ANKRD66: variants seen among roughly 807,000 people sequenced by gnomAD.
The protein encoded by ANKRD66 is ankyrin repeat domain-containing protein 66.
ANKRD66 carries 10 observed loss-of-function variants against 10.9 expected under a neutral mutation model. The ratio of observed to expected loss-of-function variants is 0.91; its 90% CI spans 0.56 to 1.55. ANKRD66 has a LOEUF of 1.55. Among genes scored for constraint, ANKRD66 ranks in the 40% most tolerant of loss-of-function variants. ANKRD66 has a pLI of 0.00. For missense variants in ANKRD66, 252 were observed against 242.9 expected (o/e 1.04, Z -0.25); for synonymous variants, 85 against 88.4 (o/e 0.96, Z 0.22).
Position 46,746,995 on chromosome 6 carries a change from G to C in ANKRD66, c.-97+5G>C. ...CCTCAAATTTCACACAAGACAGTAA[G>C]TGTTTTTAAGTTACCCTCTCTTATT... On this transcript the variant is annotated splice_donor_5th_base_variant and intron_variant, in intron 1 of 4. Transcript: ENST00000565422. The C allele has an allele frequency of 2.0e-6, 3 of 1,535,270 alleles. No individual in the cohort carries two copies. The highest frequency in any genetic ancestry group is 2.6e-6 in the Non-Finnish European group (3 of 1,146,626).
intron 4 of ANKRD66, chr6:46,757,759 C>T (rs1766410261): frequency 6.6e-6 from 1 of 152,190 alleles, no homozygotes; most frequent in Non-Finnish European, 1.5e-5. Context: ...ATAAACCTCT[C>T]ATTTAGCAAA....
intron 3 of ANKRD66, 149 bp from the exon 4 acceptor site, chr6:46,753,573 A>G: frequency 1.4e-6 from 1 of 718,068 alleles, no homozygotes; most frequent in South Asian, 2.0e-5. Context: ...AGAAGAGGGA[A>G]AAGGGAGGAG....
intron 1 of ANKRD66, 64 bp from the exon 2 acceptor site, chr6:46,749,832 C>G (rs1272927671): frequency 6.7e-7 from 1 of 1,500,780 alleles, no homozygotes; most frequent in East Asian, 2.6e-5. Flanking sequence ...TTCTTTCTCT[C>G]TGTCCTCTGG....
chr6:46,749,550 T>TTCCC (rs760188647), intron 1 of ANKRD66, among the ~76,000 whole-genome samples: 2 of 57,038 alleles, frequency 3.5e-5, no homozygotes, highest in Non-Finnish European at 6.7e-5. Flanking sequence ...TCTCTTTTAT[T>TTCCC]CCCCCCCCCC....
At position 46,758,762 on chromosome 6, in the gene ANKRD66, G is replaced by A; in HGVS notation, c.432G>A (p.Gln144=). Residue 144 remains glutamine, a synonymous_variant, in exon 5 of 5, where the codon CAG becomes CAA. Transcript: ENST00000565422. ...GCCAGGACCACCGTTGCGCTGCCCAGCAGAAGGGGCTGCCTCTGGATGAGC... is the reference window on the plus strand; with the variant it reads ...GCCAGGACCACCGTTGCGCTGCCCAACAGAAGGGGCTGCCTCTGGATGAGC... The part of the protein sequence containing the change: ...PECQDHRCAA[Q]QKGLPLDERD... 1 of 1,550,860 alleles carries A rather than the reference G, an allele frequency of 6.4e-7. No individual in the cohort carries two copies. The highest frequency in any genetic ancestry group is 8.7e-7 in the Non-Finnish European group (1 of 1,146,774).
At chr6:46,748,675 A>G (rs1315581433) in intron 1 of ANKRD66, among the ~76,000 whole-genome samples, 7 of 152,136 alleles carry the variant, frequency 4.6e-5, no homozygotes, top group Non-Finnish European at 1.0e-4. Context: ...TGCACACCCA[A>G]AGATTCTGAT....
At position 46,758,974 on chromosome 6, in the gene ANKRD66, G is replaced by A. The variant is rs369578493; in HGVS notation, c.*53G>A. The A allele has an allele frequency of 1.4e-6, 2 of 1,480,730 alleles. No individual in the cohort carries two copies. Among genetic ancestry groups the A allele is most frequent in the East Asian group, 2.5e-5 (1 of 40,504 alleles). The allele number at this position is 1,480,730 out of a possible 1,614,324, so 91.7% of individuals were successfully genotyped here. ...GAACTTTCCCTGGTGCCAGAAATGA[G>A]GCTGTTAGGCATGGTGGCCTTTCCA... On this transcript the variant is annotated 3_prime_UTR_variant, in exon 5 of 5. Transcript: ENST00000565422.
chr6:46,748,094 T>C (rs1766186217), intron 1 of ANKRD66, among the ~76,000 whole-genome samples: 1 of 152,208 alleles, frequency 6.6e-6, no homozygotes, highest in Non-Finnish European at 1.5e-5. Context: ...CCAACTTCAT[T>C]CTTTTAGCTG....
intron 4 of ANKRD66, among the ~76,000 whole-genome samples, chr6:46,755,312 T>C (rs1023928965): frequency 4.6e-5 from 7 of 152,232 alleles, no homozygotes; most frequent in Admixed American, 1.3e-4. Flanking sequence ...GCAGTTTGAA[T>C]ATTTCCACTT....
At position 46,749,958 on chromosome 6, in the gene ANKRD66, C is replaced by A; in HGVS notation, c.-34C>A. ...TTACCACAACAAAGATGGCCGGACC[C>A]CTGCCCAGAGTTTCAGATTCTGTAA... On this transcript the variant is annotated 5_prime_UTR_variant, in exon 2 of 5. Coordinates refer to ENST00000565422, the MANE Select transcript of ANKRD66 (RefSeq NM_001162435.3). 6.6e-7 allele frequency: 1 copy of A among 1,512,586 alleles called. No homozygotes were observed. Among genetic ancestry groups the A allele is most frequent in the Middle Eastern group, 1.7e-4 (1 of 5,900 alleles). 93.7% of individuals were successfully genotyped at this position (1,512,586 alleles called of 1,614,324 possible). A position where few individuals can be genotyped will look rare whatever the true frequency, so the allele number is the denominator to read the frequency against.
rs902938580 is a variant in ANKRD66, at chr6:46,749,812, T to G, written c.-96-84T>G. The G allele has an allele frequency of 2.8e-6, 4 of 1,450,170 alleles. No homozygotes were observed. In the Admixed American group the frequency reaches 9.6e-5, roughly 35 times the overall value. The allele number at this position is 1,450,170 out of a possible 1,614,324, so 89.8% of individuals were successfully genotyped here. On this transcript the variant is annotated intron_variant, in intron 1 of 4. Transcript: ENST00000565422. Reference sequence around the variant, plus strand: ...AGAAAGCTCTTTTACTTTCCGGTCTTTGTGAATGGTTCTTTCTCTCTGTCC... The same window carrying G: ...AGAAAGCTCTTTTACTTTCCGGTCTGTGTGAATGGTTCTTTCTCTCTGTCC...
At chr6:46,749,056 T>C (rs559265652) in intron 1 of ANKRD66, among the ~76,000 whole-genome samples, 1 of 152,264 alleles carries the variant, frequency 6.6e-6, no homozygotes, top group East Asian at 1.9e-4. Context: ...CCATTTAAGG[T>C]GTTGAACCTC....
chr6:46,749,761 C>A, intron 1 of ANKRD66, 135 bp from the exon 2 acceptor site: 2 of 1,027,658 alleles, frequency 1.9e-6, no homozygotes, highest in Non-Finnish European at 1.3e-6. Context: ...CCCATCGCAT[C>A]AGGACCCAGC....
intron 4 of ANKRD66, among the ~76,000 whole-genome samples, chr6:46,755,871 TA>T (rs57956641): frequency 2.6e-5 from 4 of 152,206 alleles, no homozygotes; most frequent in Non-Finnish European, 5.9e-5. Context: ...ATAACTTGTG[TA>T]AAAAATATAA....
chr6:46,758,716 T>A lies in ANKRD66; in HGVS notation c.393-7T>A, dbSNP rs1158294827. 6.5e-7 allele frequency: 1 copy of A among 1,541,850 alleles called. No homozygotes were observed. The highest frequency in any genetic ancestry group is 1.2e-5 in the South Asian group (1 of 83,456). ...CCAAGTTCAGAAGGCTCTCTCTTCT[T>A]TCCTAGGGCAGAGCCCGAGTGCCAG... On this transcript the variant is annotated splice_region_variant and splice_polypyrimidine_tract_variant and intron_variant, in intron 4 of 4. Coordinates refer to ENST00000565422, the MANE Select transcript of ANKRD66 (RefSeq NM_001162435.3).
intron 1 of ANKRD66, among the ~76,000 whole-genome samples, chr6:46,748,900 T>G (rs1447166502): frequency 6.6e-6 from 1 of 152,234 alleles, no homozygotes; most frequent in Admixed American, 6.5e-5. Context: ...CTTGTTACAA[T>G]GCAGAATCTC....
At chr6:46,748,996 T>C (rs1003274415) in intron 1 of ANKRD66, among the ~76,000 whole-genome samples, 3 of 152,260 alleles carry the variant, frequency 2.0e-5, no homozygotes, top group African/African-American at 4.8e-5. Flanking sequence ...TAGCACACTA[T>C]GGTCTACAGG....
At chr6:46,758,575 C>T in intron 4 of ANKRD66, 148 bp from the exon 5 acceptor site, 1 of 689,146 alleles carries the variant, frequency 1.5e-6, no homozygotes, top group South Asian at 3.2e-5. Context: ...CTGAGACCTT[C>T]CCTAAGTGTA....
chr6:46,748,136 G>GA (rs568478878), intron 1 of ANKRD66, among the ~76,000 whole-genome samples: 94 of 152,280 alleles, frequency 6.2e-4, no homozygotes, highest in African/African-American at 2.1e-3. Context: ...ATCATTTATT[G>GA]AAAAGACTAT....
Sources: gnomAD v4.1 joint callset for allele counts (sites outside exome capture counted in the v4.1 genomes callset) on GRCh38, gnomAD v4.1.1 for gene constraint, MANE v1.5 for transcripts, NCBI Gene and HGNC (gene_info 2026-07-23, HGNC 2026-07-21) for gene names.